Variants in BIRC6 observed in about 807,000 individuals in gnomAD.
The protein encoded by BIRC6 is dual E2 ubiquitin-conjugating enzyme/E3 ubiquitin-protein ligase BIRC6.
In BIRC6, 98 loss-of-function variants were observed where a neutral mutation model predicts 503.3. That is an observed-to-expected ratio of 0.19 (90% CI 0.17 to 0.23). BIRC6 has a LOEUF of 0.23. Among genes scored for constraint, BIRC6 ranks in the 10% least tolerant of loss-of-function variants. The probability of loss-of-function intolerance (pLI) is 1.00; values close to 1 mark genes in which losing one functional copy is unlikely to be tolerated. For missense variants in BIRC6, 5,360 were observed against 5,806.0 expected (o/e 0.92, Z 2.50); for synonymous variants, 2,240 against 2,078.7 (o/e 1.08, Z -2.11).
intron 10 of BIRC6, among the ~76,000 whole-genome samples, chr2:32,419,774 A>G (rs1190308435): frequency 6.6e-6 from 1 of 152,236 alleles, no homozygotes; most frequent in African/African-American, 2.4e-5. Flanking sequence ...AAGTTGAGCC[A>G]TAATTGCTTT....
chr2:32,502,631 T>A (rs1442742308), intron 47 of BIRC6, among the ~76,000 whole-genome samples, 164 bp from the exon 48 acceptor site: 2 of 152,232 alleles, frequency 1.3e-5, no homozygotes, highest in Non-Finnish European at 2.9e-5. Context: ...ATGGTTTTTT[T>A]ATTCAGGTAA....
intron 9 of BIRC6, among the ~76,000 whole-genome samples, chr2:32,414,159 C>A (rs2042182116): frequency 1.3e-5 from 2 of 151,776 alleles, no homozygotes; most frequent in Admixed American, 1.3e-4. Flanking sequence ...GGTATGGTGG[C>A]ACAGCTATTC....
intron 10 of BIRC6, among the ~76,000 whole-genome samples, chr2:32,420,887 G>GTTT (rs749389202): frequency 2.2e-5 from 3 of 135,306 alleles, no homozygotes; most frequent in Non-Finnish European, 3.2e-5. Context: ...TCGATGATTT[G>GTTT]TATTTTTTTT....
At chr2:32,553,149 A>G (rs2058541398) in intron 65 of BIRC6, among the ~76,000 whole-genome samples, 1 of 122,838 alleles carries the variant, frequency 8.1e-6, no homozygotes, top group African/African-American at 3.0e-5. Context: ...GTGAGCCGAG[A>G]TGGCACCACT....
At chr2:32,398,303 A>G (rs2040199551) in intron 6 of BIRC6, among the ~76,000 whole-genome samples, 1 of 152,144 alleles carries the variant, frequency 6.6e-6, no homozygotes, top group South Asian at 2.1e-4. Context: ...GCCAATCAGG[A>G]GGGGAATAGC....
At chr2:32,454,220 A>G (rs993489570) in intron 23 of BIRC6, among the ~76,000 whole-genome samples, 1 of 152,146 alleles carries the variant, frequency 6.6e-6, no homozygotes, top group African/African-American at 2.4e-5. Context: ...AATTTGAAAA[A>G]TATCAAATAT....
At chr2:32,524,782 G>T in intron 57 of BIRC6, 106 bp from the exon 58 acceptor site, 1 of 815,382 alleles carries the variant, frequency 1.2e-6, no homozygotes, top group South Asian at 2.9e-5. Context: ...TATTGCCTTA[G>T]TATTAAGGAT....
At chr2:32,539,978 T>G (rs1190785667) in intron 61 of BIRC6, among the ~76,000 whole-genome samples, 3 of 152,062 alleles carry the variant, frequency 2.0e-5, no homozygotes, top group Non-Finnish European at 4.4e-5. Context: ...TTATAATTTC[T>G]ATAGAATAAA....
Position 32,617,852 on chromosome 2 carries a change from A to C in BIRC6, c.14522A>C (p.Asp4841Ala). 6.2e-7 allele frequency: 1 copy of C among 1,613,962 alleles called. No individual in the cohort carries two copies. The highest frequency in any genetic ancestry group is 2.2e-5 in the East Asian group (1 of 44,888). Residue 4841 changes from aspartate to alanine, a missense_variant, in exon 74 of 74, where the codon GAT becomes GCT. Physicochemically the swap from Asp to Ala is moderately radical, Grantham distance 126. This residue lies in a region of BIRC6 where 140 missense variants were observed against 130.2 expected (regional missense o/e 1.07). Transcript: ENST00000421745. Reference sequence around the variant, plus strand: ...GGTGCTGAGGAGACTCTAATGCATGATCAGGTTAAACCCAGCAGCAGCAAA... The same window carrying C: ...GGTGCTGAGGAGACTCTAATGCATGCTCAGGTTAAACCCAGCAGCAGCAAA... ...TTGAEETLMH[D>A]QVKPSSSKEL...
chr2:32,542,693 TATAG>T (rs2057762694), intron 61 of BIRC6, among the ~76,000 whole-genome samples: 1 of 152,246 alleles, frequency 6.6e-6, no homozygotes, highest in Non-Finnish European at 1.5e-5. Flanking sequence ...AGAATCTGCA[TATAG>T]ATACTTAACT....
intron 72 of BIRC6, among the ~76,000 whole-genome samples, chr2:32,610,279 A>G (rs185478255): frequency 6.6e-6 from 1 of 152,344 alleles, no homozygotes; most frequent in African/African-American, 2.4e-5. Context: ...ATGTTTCCAA[A>G]TTGATAATTG....
intron 10 of BIRC6, among the ~76,000 whole-genome samples, chr2:32,427,546 A>G (rs1307897059): frequency 6.6e-6 from 1 of 152,174 alleles, no homozygotes. Context: ...TCCGTCTCCC[A>G]AGGTGCTGGG....
intron 45 of BIRC6, 106 bp downstream of exon 45, chr2:32,493,773 C>A: frequency 3.4e-6 from 3 of 876,806 alleles, no homozygotes; most frequent in Non-Finnish European, 5.1e-6. Flanking sequence ...AACAAATAAG[C>A]AGGAGGACGG....
At chr2:32,481,663 G>T (rs1206225204) in intron 38 of BIRC6, among the ~76,000 whole-genome samples, 2 of 152,006 alleles carry the variant, frequency 1.3e-5, no homozygotes, top group Non-Finnish European at 2.9e-5. Flanking sequence ...CTGCTTGGGA[G>T]GCTGAGGCAG....
chr2:32,388,972 T>C (rs202208418), intron 4 of BIRC6, 29 bp downstream of exon 4: 7 of 1,295,904 alleles, frequency 5.4e-6, no homozygotes, highest in Non-Finnish European at 7.0e-6. Flanking sequence ...AAGGTGACAG[T>C]GAGATAGAAT....
In BIRC6 at chr2:32,445,756, T is replaced by C. The variant is rs184692713; in HGVS notation, c.4484+88T>C. ...GAACTGTTATTTAATATATATATGC[T>C]GATAACAGTCTTTTTCTTACAAAAA... is the stretch of plus-strand genomic sequence containing the variant. On this transcript the variant is annotated intron_variant, in intron 21 of 73. Transcript: ENST00000421745. 2.3e-3 allele frequency: 2,194 copies of C among 949,400 alleles called. 3 individuals carry two copies. Among genetic ancestry groups the C allele is most frequent in the Non-Finnish European group, 2.5e-3 (1,787 of 709,208 alleles). The allele number at this position is 949,400 out of a possible 1,614,324, so 58.8% of individuals were successfully genotyped here. A position where few individuals can be genotyped will look rare whatever the true frequency, so the allele number is the denominator to read the frequency against.
At chr2:32,506,808 C>G (rs2053846528) in intron 50 of BIRC6, among the ~76,000 whole-genome samples, 1 of 152,126 alleles carries the variant, frequency 6.6e-6, no homozygotes, top group South Asian at 2.1e-4. Context: ...TGTGACATTT[C>G]TTGTGGGAGC....
intron 23 of BIRC6, among the ~76,000 whole-genome samples, chr2:32,462,815 G>A (rs926000225): frequency 2.0e-5 from 3 of 151,964 alleles, no homozygotes; most frequent in African/African-American, 7.3e-5. Flanking sequence ...AATTAGCCAG[G>A]CATGGTGGTG....
At position 32,595,168 on chromosome 2, in the gene BIRC6, T is replaced by C. The variant is rs903016462; in HGVS notation, c.13612+24T>C. The C allele has an allele frequency of 4.9e-6, 7 of 1,441,744 alleles. No individual in the cohort carries two copies. The African/African-American group carries it at 5.8e-5, about 12-fold the overall frequency. The allele number at this position is 1,441,744 out of a possible 1,614,324, so 89.3% of individuals were successfully genotyped here. The stretch of plus-strand genomic sequence containing the variant: ...TGGTAAGATGAAATTTTTGATTTGC[T>C]TAAGATCTCACTTTCCATTTTTTTT... On this transcript the variant is annotated intron_variant, in intron 68 of 73. Transcript: ENST00000421745.
Sources: allele counts gnomAD v4.1 joint callset (sites outside exome capture counted in the v4.1 genomes callset), GRCh38; gene constraint gnomAD v4.1.1; regional missense constraint gnomAD v4.1.1; transcripts MANE v1.5; gene names NCBI Gene and HGNC (gene_info 2026-07-23, HGNC 2026-07-21).